STRBP: variants seen among roughly 807,000 people sequenced by gnomAD.
STRBP encodes spermatid perinuclear RNA binding protein.
In STRBP, 13 loss-of-function variants were observed where a neutral mutation model predicts 80.1. The ratio of observed to expected loss-of-function variants is 0.16; its 90% CI spans 0.11 to 0.26. STRBP has a LOEUF of 0.26. Ranked by LOEUF, STRBP falls within the 10% of genes least tolerant of loss-of-function variation. The probability of loss-of-function intolerance (pLI) is 1.00; values close to 1 mark genes in which losing one functional copy is unlikely to be tolerated. For synonymous variants in STRBP, 284 were observed against 291.2 expected (o/e 0.98, Z 0.25); for missense variants, 485 against 815.2 (o/e 0.59, Z 4.93).
At chr9:123,142,501 G>A (rs186569888) in intron 13 of STRBP, among the ~76,000 whole-genome samples, 172 of 152,162 alleles carry the variant, frequency 1.1e-3, no homozygotes, top group Middle Eastern at 6.8e-3. Flanking sequence ...GGACTAATAC[G>A]TCCATCACTG....
Position 123,135,877 on chromosome 9 carries a change from A to T in STRBP, c.1773+164T>A. 1.1e-5 allele frequency: 8 copies of T among 733,790 alleles called. No homozygotes were observed. In the South Asian group the frequency reaches 1.7e-4, roughly 15 times the overall value. 45.5% of individuals were successfully genotyped at this position (733,790 alleles called of 1,614,324 possible). A position where few individuals can be genotyped will look rare whatever the true frequency, so the allele number is the denominator to read the frequency against. On this transcript the variant is annotated intron_variant, in intron 16 of 18. Coordinates refer to ENST00000348403, the MANE Select transcript of STRBP (RefSeq NM_018387.5). Reference sequence around the variant, plus strand: ...AAAGTCCATAGAACATGAAACCACTAATCAAATTTATATTATTCGTGACCT... The same window carrying T: ...AAAGTCCATAGAACATGAAACCACTTATCAAATTTATATTATTCGTGACCT...
Position 123,169,898 on chromosome 9 carries a change from G to T in STRBP, c.535+4C>A. On this transcript the variant is annotated splice_donor_region_variant and intron_variant, in intron 6 of 18. Transcript: ENST00000348403. Reference sequence around the variant, plus strand: ...CATATATATATATATATATACATGTGTACCTCCATCCTTCTTCTCCAATTC... The same window carrying T: ...CATATATATATATATATATACATGTTTACCTCCATCCTTCTTCTCCAATTC... 6.8e-7 allele frequency: 1 copy of T among 1,475,844 alleles called. No individual in the cohort carries two copies. The highest frequency in any genetic ancestry group is 9.1e-7 in the Non-Finnish European group (1 of 1,104,806). The allele number at this position is 1,475,844 out of a possible 1,614,324, so 91.4% of individuals were successfully genotyped here.
chr9:123,162,926 G>A (rs2037586518), intron 6 of STRBP, among the ~76,000 whole-genome samples: 1 of 152,154 alleles, frequency 6.6e-6, no homozygotes, highest in African/African-American at 2.4e-5. Flanking sequence ...GTCAATACAA[G>A]CATCTGTGTA....
intron 2 of STRBP, among the ~76,000 whole-genome samples, chr9:123,230,711 C>T (rs911629307): frequency 1.3e-5 from 2 of 152,132 alleles, no homozygotes; most frequent in Non-Finnish European, 2.9e-5. Context: ...AAGCTATACA[C>T]TATTAATAAT....
At position 123,123,075 on chromosome 9, in the gene STRBP, C is replaced by G. The variant is rs2035784555; in HGVS notation, c.*2522G>C. ...CAGGGTGTCACATTGCTCTTAAGAC[C>G]AAGACATAGAAATTGCCATTTCAAG... On this transcript the variant is annotated 3_prime_UTR_variant, in exon 19 of 19. Transcript: ENST00000348403. 1 of 985,348 alleles carries G rather than the reference C, an allele frequency of 1.0e-6. No homozygotes were observed. The highest frequency in any genetic ancestry group is 1.1e-4 in the East Asian group (1 of 8,812). 61.0% of individuals were successfully genotyped at this position (985,348 alleles called of 1,614,324 possible). A position where few individuals can be genotyped will look rare whatever the true frequency, so the allele number is the denominator to read the frequency against.
In STRBP at chr9:123,257,064, G is replaced by C. The variant is rs529984244; in HGVS notation, c.-302+11372C>G. ...TCACTGGGGCTTTCAAACAGAGTAA[G>C]GCTTGAATTCCTTATTCCTGCATTC... On this transcript the variant is annotated intron_variant, in intron 1 of 18. Coordinates refer to ENST00000348403, the MANE Select transcript of STRBP (RefSeq NM_018387.5). Among the ~76,000 whole-genome samples, 13 of 152,186 alleles carry C rather than the reference G, an allele frequency of 8.5e-5. 1 individual carries two copies. In the South Asian group the frequency reaches 2.5e-3, roughly 29 times the overall value.
Position 123,158,383 on chromosome 9 carries a change from A to G in STRBP, c.882T>C (p.Ala294=). The change falls in exon 10 of 19, where the codon GCT becomes GCC. Residue 294 remains alanine (A), a synonymous_variant. Coordinates refer to ENST00000348403, the MANE Select transcript of STRBP (RefSeq NM_018387.5). ...HDPCERDPTD[A]LSYMTIQQKE... is the part of the protein sequence containing the mutation. ...TTTGCTGGATGGTCATATAGCTCAGAGCATCTGTTGGGTCTCGCTCACAAG... is the reference window on the plus strand; with the variant it reads ...TTTGCTGGATGGTCATATAGCTCAGGGCATCTGTTGGGTCTCGCTCACAAG... The G allele has an allele frequency of 1.2e-6, 2 of 1,613,658 alleles. No homozygotes were observed. The highest frequency in any genetic ancestry group is 1.7e-6 in the Non-Finnish European group (2 of 1,179,664).
At chr9:123,187,706 A>T (rs1217817434) in intron 2 of STRBP, among the ~76,000 whole-genome samples, 1 of 152,132 alleles carries the variant, frequency 6.6e-6, no homozygotes, top group East Asian at 1.9e-4. Flanking sequence ...GGTTTATAGA[A>T]AAGTTGAGTG....
In STRBP at chr9:123,122,084, T is replaced by C. The variant is rs776151194; in HGVS notation, c.*3513A>G. On this transcript the variant is annotated 3_prime_UTR_variant, in exon 19 of 19. Transcript: ENST00000348403. Reference sequence around the variant, plus strand: ...TAGACCATACAATTTTTAAAGGTAATGCGATGACATATGACCTAAGAGATC... The same window carrying C: ...TAGACCATACAATTTTTAAAGGTAACGCGATGACATATGACCTAAGAGATC... 2.8e-5 allele frequency: 6 copies of C among 214,846 alleles called. No individual in the cohort carries two copies. Among genetic ancestry groups the C allele is most frequent in the Non-Finnish European group, 5.7e-5 (6 of 105,688 alleles). The allele number at this position is 214,846 out of a possible 1,614,324, so 13.3% of individuals were successfully genotyped here. A position where few individuals can be genotyped will look rare whatever the true frequency, so the allele number is the denominator to read the frequency against.
chr9:123,158,579 A>C, intron 9 of STRBP, 150 bp from the exon 10 acceptor site: 1 of 650,112 alleles, frequency 1.5e-6, no homozygotes, highest in South Asian at 2.0e-5. Flanking sequence ...TAAGTGGAGT[A>C]AAAAGGACAC....
intron 2 of STRBP, among the ~76,000 whole-genome samples, chr9:123,227,312 A>G (rs1282086776): frequency 6.6e-6 from 1 of 152,170 alleles, no homozygotes; most frequent in Non-Finnish European, 1.5e-5. Context: ...TGAAAATGGT[A>G]AAGAACATTT....
At chr9:123,116,746 C>T (rs546411213), downstream of STRBP, among the ~76,000 whole-genome samples, 13 of 152,324 alleles carry the variant, frequency 8.5e-5, no homozygotes, top group South Asian at 2.1e-4. Context: ...CTACTAGCGA[C>T]GCAAACCACC....
chr9:123,172,725 G>A (rs1489145687), intron 5 of STRBP, among the ~76,000 whole-genome samples: 1 of 152,038 alleles, frequency 6.6e-6, no homozygotes, highest in Non-Finnish European at 1.5e-5. Flanking sequence ...TTGAGGGTCA[G>A]CTAGTGAATA....
intron 2 of STRBP, among the ~76,000 whole-genome samples, chr9:123,212,094 C>T (rs1345166710): frequency 2.6e-5 from 4 of 152,108 alleles, no homozygotes; most frequent in African/African-American, 7.2e-5. Context: ...TTCCTTAATA[C>T]GGATTTTTTT....
intron 2 of STRBP, among the ~76,000 whole-genome samples, chr9:123,219,452 T>C (rs891838577): frequency 4.6e-5 from 7 of 152,238 alleles, no homozygotes; most frequent in African/African-American, 1.7e-4. Flanking sequence ...CCACAGGCTA[T>C]CACCATTTTA....
chr9:123,246,517 G>A (rs970874052), intron 1 of STRBP, among the ~76,000 whole-genome samples: 1 of 152,064 alleles, frequency 6.6e-6, no homozygotes, highest in African/African-American at 2.4e-5. Flanking sequence ...GTTTCATTGG[G>A]GTTTAGGGGG....
chr9:123,207,698 G>A (rs1434774614), intron 2 of STRBP, among the ~76,000 whole-genome samples: 3 of 152,042 alleles, frequency 2.0e-5, no homozygotes, highest in East Asian at 1.9e-4. Flanking sequence ...AAACCTGCAC[G>A]TTCTGCACAT....
chr9:123,191,151 G>C (rs1404457550), intron 2 of STRBP, among the ~76,000 whole-genome samples: 1 of 152,168 alleles, frequency 6.6e-6, no homozygotes, highest in Non-Finnish European at 1.5e-5. Context: ...GAAAAGAGAG[G>C]AAGCAAGTTG....
intron 6 of STRBP, among the ~76,000 whole-genome samples, chr9:123,168,446 T>C (rs904405608): frequency 6.6e-6 from 1 of 152,218 alleles, no homozygotes; most frequent in Non-Finnish European, 1.5e-5. Flanking sequence ...ATTTTAGTTA[T>C]CCCAAAAAGC....
Sources: allele counts gnomAD v4.1 joint callset (sites outside exome capture counted in the v4.1 genomes callset), GRCh38; gene constraint gnomAD v4.1.1; transcripts MANE v1.5; gene names NCBI Gene and HGNC (gene_info 2026-07-23, HGNC 2026-07-21).